ZNF121: variants seen among roughly 807,000 people sequenced by gnomAD.
The protein encoded by ZNF121 is zinc finger protein 121, also known as zinc finger protein 121 (clone ZHC32).
Under a neutral mutation model 2.4 loss-of-function variants are expected in ZNF121, and 1 was observed. The ratio of observed to expected loss-of-function variants is 0.41; its 90% CI spans 0.15 to 1.94. ZNF121 has a LOEUF of 1.94. Among genes scored for constraint, ZNF121 ranks in the 30% most tolerant of loss-of-function variants. The pLI is 0.30. For missense variants in ZNF121, 369 were observed against 466.3 expected (o/e 0.79, Z 1.92); for synonymous variants, 173 against 158.6 (o/e 1.09, Z -0.68).
At position 9,565,448 on chromosome 19, in the gene ZNF121, T is replaced by A. The variant is rs1211521977; in HGVS notation, c.*492A>T. 1 of 133,398 alleles carries A rather than the reference T, an allele frequency of 7.5e-6. No homozygotes were observed. The highest frequency in any genetic ancestry group is 1.5e-5 in the Non-Finnish European group (1 of 64,568). 8.3% of individuals were successfully genotyped at this position (133,398 alleles called of 1,614,324 possible). On this transcript the variant is annotated 3_prime_UTR_variant, in exon 4 of 4. Coordinates refer to ENST00000320451, the MANE Select transcript of ZNF121 (RefSeq NM_001008727.5). ...ACTTTGGGAGGCCAAGGCGGGTGGATCACCTGAGGTCAGGAGCTCGAGACC... is the reference window on the plus strand; with the variant it reads ...ACTTTGGGAGGCCAAGGCGGGTGGAACACCTGAGGTCAGGAGCTCGAGACC...
At chr19:9,570,406 CTT>C (rs1302992635) in intron 1 of ZNF121, among the ~76,000 whole-genome samples, 1 of 152,094 alleles carries the variant, frequency 6.6e-6, no homozygotes, top group Non-Finnish European at 1.5e-5. Context: ...CTCCCCCGCC[CTT>C]TGTTGACAGA....
rs2074113299 is a variant in ZNF121 at position 9,563,630 on chromosome 19, G to A, written c.*2310C>T. Reference sequence around the variant, plus strand: ...TGTAGAGACAGCGTCACGCTCTGTTGTGCTGGCTGGTCTTGAACTCTTGAC... The same window carrying A: ...TGTAGAGACAGCGTCACGCTCTGTTATGCTGGCTGGTCTTGAACTCTTGAC... On this transcript the variant is annotated 3_prime_UTR_variant, in exon 4 of 4. Transcript: ENST00000320451. 1.3e-5 allele frequency: 2 copies of A among 152,230 alleles called. No individual in the cohort carries two copies. Among genetic ancestry groups the A allele is most frequent in the South Asian group, 4.1e-4 (2 of 4,836 alleles). The allele number at this position is 152,230 out of a possible 1,614,324, so 9.4% of individuals were successfully genotyped here.
chr19:9,563,572 C>A lies in ZNF121; in HGVS notation c.*2368G>T, dbSNP rs1357581126. 1 of 152,182 alleles carries A rather than the reference C, an allele frequency of 6.6e-6. No individual in the cohort carries two copies. The highest frequency in any genetic ancestry group is 1.9e-4 in the East Asian group (1 of 5,200). The allele number at this position is 152,182 out of a possible 1,614,324, so 9.4% of individuals were successfully genotyped here. On this transcript the variant is annotated 3_prime_UTR_variant, in exon 4 of 4. Coordinates refer to ENST00000320451, the MANE Select transcript of ZNF121 (RefSeq NM_001008727.5). ...CTCTAGGTAAGCTAATATCTGACTT[C>A]AAAGATTCAAAGGACGGGCTGACTC...
intron 1 of ZNF121, among the ~76,000 whole-genome samples, chr19:9,575,823 A>G (rs1328296049): frequency 6.6e-6 from 1 of 152,190 alleles, no homozygotes; most frequent in Non-Finnish European, 1.5e-5. Flanking sequence ...GTCAATATTT[A>G]TGCACCCAAC....
In ZNF121 at chr19:9,566,680, C is replaced by T. The variant is rs758313862; in HGVS notation, c.433G>A (p.Glu145Lys). The T allele has an allele frequency of 1.2e-5, 20 of 1,614,020 alleles. No individual in the cohort carries two copies. Among genetic ancestry groups the T allele is most frequent in the African/African-American group, 2.7e-5 (2 of 74,916 alleles). The change falls in exon 4 of 4, where the codon GAA (glutamate) becomes AAA (lysine). Residue 145 changes from glutamate (E) to lysine (K), a missense_variant. By Grantham distance (56) the Glu-to-Lys change is moderately conservative (BLOSUM62 1). This residue lies in a region of ZNF121 where 68 missense variants were observed against 105.5 expected (regional missense o/e 0.64). Transcript: ENST00000320451. ...AAGAATTTTCCACATTCCTTACATT[C>T]GTAGGGTTTTTCTACAGTATGCATT... Reference protein sequence around the residue: ...VKMHTVEKPYECKECGKFFRY... With the variant: ...VKMHTVEKPYKCKECGKFFRY...
intron 1 of ZNF121, among the ~76,000 whole-genome samples, chr19:9,581,042 C>G (rs1357822932): frequency 6.6e-6 from 1 of 152,062 alleles, no homozygotes; most frequent in African/African-American, 2.4e-5. Context: ...CCAAAAACCC[C>G]GAGTTTGTAG....
intron 1 of ZNF121, among the ~76,000 whole-genome samples, chr19:9,584,010 G>A (rs1381547737): frequency 1.3e-5 from 2 of 152,098 alleles, no homozygotes; most frequent in Non-Finnish European, 2.9e-5. Context: ...ATTCTCAGAC[G>A]AGACATTTTT....
rs1134302 is a variant in ZNF121, at chr19:9,560,603, C to G, written c.*5337G>C. ...AATGGGTGTATTTGTCCTTTCGGAACTGGTTTATTTCACTTAGCATAACGT... is the reference window on the plus strand; with the variant it reads ...AATGGGTGTATTTGTCCTTTCGGAAGTGGTTTATTTCACTTAGCATAACGT... On this transcript the variant is annotated 3_prime_UTR_variant, in exon 4 of 4. Transcript: ENST00000320451. 6.6e-6 allele frequency: 1 copy of G among 152,080 alleles called. No homozygotes were observed. Among genetic ancestry groups the G allele is most frequent in the African/African-American group, 2.4e-5 (1 of 41,358 alleles). 9.4% of individuals were successfully genotyped at this position (152,080 alleles called of 1,614,324 possible). A position where few individuals can be genotyped will look rare whatever the true frequency, so the allele number is the denominator to read the frequency against.
At chr19:9,578,644 G>A (rs1030154463) in intron 1 of ZNF121, among the ~76,000 whole-genome samples, 23 of 152,220 alleles carry the variant, frequency 1.5e-4, no homozygotes, top group South Asian at 6.2e-4. Flanking sequence ...ACTGAATAAC[G>A]ATATGCAGAA....
intron 1 of ZNF121, among the ~76,000 whole-genome samples, chr19:9,573,857 C>CT (rs1260523624): frequency 1.3e-5 from 2 of 152,050 alleles, no homozygotes; most frequent in South Asian, 4.2e-4. Flanking sequence ...CATTTTCTTT[C>CT]TTTTTTTGTG....
rs1326642658 is a variant in ZNF121, at chr19:9,563,231, G to A, written c.*2709C>T. On this transcript the variant is annotated 3_prime_UTR_variant, in exon 4 of 4. Transcript: ENST00000320451. ...ACACGGAATAAGTTTTAGTGGTCTG[G>A]ATAGAAGATCAGACCAGCCACAACA... is the stretch of plus-strand genomic sequence containing the variant. 1 of 152,082 alleles carries A rather than the reference G, an allele frequency of 6.6e-6. No individual in the cohort carries two copies. The allele number at this position is 152,082 out of a possible 1,614,324, so 9.4% of individuals were successfully genotyped here.
At chr19:9,571,647 G>T (rs985632255) in intron 1 of ZNF121, among the ~76,000 whole-genome samples, 10 of 152,190 alleles carry the variant, frequency 6.6e-5, no homozygotes, top group African/African-American at 2.2e-4. Flanking sequence ...GGTCTCTGTC[G>T]TAACTTAATC....
Position 9,577,840 on chromosome 19 carries a change from A to G in ZNF121, c.-160+6621T>C, listed in dbSNP as rs182275895. Among the ~76,000 whole-genome samples, 882 of 152,152 alleles carry G rather than the reference A, an allele frequency of 5.8e-3. 12 individuals are homozygous for G. The highest frequency in any genetic ancestry group is 0.02 in the African/African-American group (850 of 41,514). ...GAGGCAGGTGGATCATTAGGTCAGGAGTTCAAGACCAGCCTGGCCAACATG... is the reference window on the plus strand; with the variant it reads ...GAGGCAGGTGGATCATTAGGTCAGGGGTTCAAGACCAGCCTGGCCAACATG... On this transcript the variant is annotated intron_variant, in intron 1 of 3. Coordinates refer to ENST00000320451, the MANE Select transcript of ZNF121 (RefSeq NM_001008727.5).
In ZNF121 at chr19:9,566,050, G is replaced by A; in HGVS notation, c.1063C>T (p.Leu355=). The A allele has an allele frequency of 6.2e-7, 1 of 1,613,722 alleles. No homozygotes were observed. The change falls in exon 4 of 4, where the codon CTA becomes TTA. Residue 355 remains leucine (L), a synonymous_variant. Coordinates refer to ENST00000320451, the MANE Select transcript of ZNF121 (RefSeq NM_001008727.5). ...GTGTGAATTCTAACATGTTTCTGTA[G>A]ATGTGAAGAAGCACGGAAGGTTTTC... ...CGKTFRASSH[L]QKHVRIHTGE...
At position 9,562,161 on chromosome 19, in the gene ZNF121, ATT is replaced by A. The variant is rs34814047; in HGVS notation, c.*3777_*3778del. On this transcript the variant is annotated 3_prime_UTR_variant, in exon 4 of 4. Coordinates refer to ENST00000320451, the MANE Select transcript of ZNF121 (RefSeq NM_001008727.5). ...ATTATACTTACTGTGGTGCTGTGTGATTTTTTTTTTTTTTTTTTTTTGAGAAG... is the reference window on the plus strand; with the variant it reads ...ATTATACTTACTGTGGTGCTGTGTGATTTTTTTTTTTTTTTTTTTGAGAAG... 416 of 108,050 alleles carry A rather than the reference ATT, an allele frequency of 3.9e-3. 1 individual carries two copies. The highest frequency in any genetic ancestry group is 0.012 in the African/African-American group (330 of 28,230). The allele number at this position is 108,050 out of a possible 1,614,324, so 6.7% of individuals were successfully genotyped here.
At chr19:9,581,152 C>T (rs1035156763) in intron 1 of ZNF121, among the ~76,000 whole-genome samples, 2 of 152,122 alleles carry the variant, frequency 1.3e-5, no homozygotes, top group African/African-American at 2.4e-5. Flanking sequence ...TTAGGAATAA[C>T]GCTCAAAATC....
intron 1 of ZNF121, among the ~76,000 whole-genome samples, chr19:9,579,537 T>C (rs533231395): frequency 6.6e-4 from 101 of 152,194 alleles, no homozygotes; most frequent in Middle Eastern, 6.8e-3. Context: ...ATACAAAAAT[T>C]AGCTGGGAAT....
In ZNF121 at chr19:9,560,848, T is replaced by G. The variant is rs2074097447; in HGVS notation, c.*5092A>C. 6.6e-6 allele frequency: 1 copy of G among 152,238 alleles called. No individual in the cohort carries two copies. The highest frequency in any genetic ancestry group is 1.5e-5 in the Non-Finnish European group (1 of 68,040). The allele number at this position is 152,238 out of a possible 1,614,324, so 9.4% of individuals were successfully genotyped here. ...GGACATGTACCTAGAAGTGGATTGC[T>G]GCTGACCAAGTAAGTTTTAAACCTA... On this transcript the variant is annotated 3_prime_UTR_variant, in exon 4 of 4. Coordinates refer to ENST00000320451, the MANE Select transcript of ZNF121 (RefSeq NM_001008727.5).
At chr19:9,582,601 T>C (rs185096881) in intron 1 of ZNF121, among the ~76,000 whole-genome samples, 1 of 152,130 alleles carries the variant, frequency 6.6e-6, no homozygotes, top group Admixed American at 6.6e-5. Context: ...TTATTGCTCA[T>C]ACAAAGCCTG....
Sources: gnomAD v4.1 joint callset for allele counts (sites outside exome capture counted in the v4.1 genomes callset) on GRCh38, gnomAD v4.1.1 for gene constraint, gnomAD v4.1.1 regional missense constraint, MANE v1.5 for transcripts, NCBI Gene and HGNC (gene_info 2026-07-23, HGNC 2026-07-21) for gene names.